CAMKMT: variants seen among roughly 807,000 people sequenced by gnomAD.
CAMKMT encodes CaM KMT.
In CAMKMT, 53 loss-of-function variants were observed where a neutral mutation model predicts 48.0. That is an observed-to-expected ratio of 1.10 (90% CI 0.89 to 1.39). The LOEUF is 1.39. CAMKMT is among the 40% of genes most tolerant of loss of function. CAMKMT has a pLI of 0.00. For synonymous variants in CAMKMT, 165 were observed against 152.3 expected (o/e 1.08, Z -0.61); for missense variants, 428 against 402.7 (o/e 1.06, Z -0.54).
Position 44,415,681 on chromosome 2 carries a change from G to A in CAMKMT, c.376+25376G>A, listed in dbSNP as rs555177930. ...TCACAGTTTAGAGAAGGAATTATAC[G>A]TTTAAAGTCTTCAATTTTATGAAAA... On this transcript the variant is annotated intron_variant, in intron 3 of 10. Transcript: ENST00000378494. Among the ~76,000 whole-genome samples the A allele has an allele frequency of 1.1e-4, 16 of 152,250 alleles. No homozygotes were observed. In the South Asian group the frequency reaches 2.5e-3, roughly 24 times the overall value.
Position 44,772,021 on chromosome 2 carries a change from T to C in CAMKMT, c.895-15T>C. The C allele has an allele frequency of 6.3e-7, 1 of 1,588,946 alleles. No individual in the cohort carries two copies. The highest frequency in any genetic ancestry group is 1.1e-5 in the South Asian group (1 of 90,064). ...TGGAGTCCCCTTACCTTTTTCTTTC[T>C]ATTATTGTTTTCAGTTGAAAAAGGA... is the stretch of plus-strand genomic sequence containing the variant. On this transcript the variant is annotated splice_polypyrimidine_tract_variant and intron_variant, in intron 10 of 10. Transcript: ENST00000378494.
chr2:44,415,073 C>G (rs1683461361), intron 3 of CAMKMT, among the ~76,000 whole-genome samples: 1 of 152,150 alleles, frequency 6.6e-6, no homozygotes, highest in Admixed American at 6.5e-5. Context: ...ATCACTTGAA[C>G]CCGGGAGGCA....
intron 3 of CAMKMT, among the ~76,000 whole-genome samples, chr2:44,461,713 A>C (rs1667858728): frequency 6.6e-6 from 1 of 152,236 alleles, no homozygotes; most frequent in Non-Finnish European, 1.5e-5. Context: ...TATTTCATAC[A>C]AATTCTTTTC....
intron 7 of CAMKMT, among the ~76,000 whole-genome samples, chr2:44,737,478 G>A (rs1480836663): frequency 6.6e-6 from 1 of 152,162 alleles, no homozygotes; most frequent in Non-Finnish European, 1.5e-5. Flanking sequence ...CAGAACCAGA[G>A]CAGCATTTAG....
At position 44,467,247 on chromosome 2, in the gene CAMKMT, A is replaced by C. The variant is rs140302276; in HGVS notation, c.376+76942A>C. 1.2e-3 allele frequency among the ~76,000 whole-genome samples: 178 copies of C among 152,086 alleles called. 1 individual carries two copies. The highest frequency in any genetic ancestry group is 4.1e-3 in the African/African-American group (171 of 41,520). On this transcript the variant is annotated intron_variant, in intron 3 of 10. Coordinates refer to ENST00000378494, the MANE Select transcript of CAMKMT (RefSeq NM_024766.5). ...ACTCAGCAAGACCCTGTCTCCAAAA[A>C]CAAAAACAAACAGGTGGCTCACGCC...
Position 44,651,465 on chromosome 2 carries a change from C to A in CAMKMT, c.377-52818C>A, listed in dbSNP as rs192463593. On this transcript the variant is annotated intron_variant, in intron 3 of 10. Coordinates refer to ENST00000378494, the MANE Select transcript of CAMKMT (RefSeq NM_024766.5). ...TTGCTAGGCCGAGGCGGGTGGATCACCTGAGGTCAGGAGTTTAAGACCAGC... is the reference window on the plus strand; with the variant it reads ...TTGCTAGGCCGAGGCGGGTGGATCAACTGAGGTCAGGAGTTTAAGACCAGC... 9.2e-5 allele frequency among the ~76,000 whole-genome samples: 14 copies of A among 152,258 alleles called. No individual in the cohort carries two copies. In the East Asian group the frequency reaches 2.7e-3, roughly 29 times the overall value.
intron 3 of CAMKMT, among the ~76,000 whole-genome samples, chr2:44,405,683 A>C (rs1682728521): frequency 6.6e-6 from 1 of 152,136 alleles, no homozygotes; most frequent in Non-Finnish European, 1.5e-5. Context: ...AATGAATGTC[A>C]ATTCATCCAA....
At chr2:44,415,158 G>GA (rs544529574) in intron 3 of CAMKMT, among the ~76,000 whole-genome samples, 2 of 151,700 alleles carry the variant, frequency 1.3e-5, no homozygotes, top group Admixed American at 6.6e-5. Context: ...TCGGAAAAAA[G>GA]AAAAAAAATT....
chr2:44,703,808 A>G (rs1677393406), intron 3 of CAMKMT, among the ~76,000 whole-genome samples: 1 of 150,160 alleles, frequency 6.7e-6, no homozygotes, highest in Non-Finnish European at 1.5e-5. Flanking sequence ...AGAATTGTGC[A>G]TGTTTAAAAA....
chr2:44,399,802 G>A (rs1682197832), intron 3 of CAMKMT, among the ~76,000 whole-genome samples: 1 of 152,120 alleles, frequency 6.6e-6, no homozygotes, highest in Non-Finnish European at 1.5e-5. Context: ...GGAAGAAGAA[G>A]AGACAGAAAC....
At chr2:44,767,529 C>T (rs1369243506) in intron 10 of CAMKMT, among the ~76,000 whole-genome samples, 4 of 152,140 alleles carry the variant, frequency 2.6e-5, no homozygotes, top group Non-Finnish European at 5.9e-5. Context: ...TTCTCACTTT[C>T]TGAAAATGAA....
chr2:44,408,652 T>C (rs1451661312), intron 3 of CAMKMT, among the ~76,000 whole-genome samples: 3 of 152,156 alleles, frequency 2.0e-5, no homozygotes, highest in Non-Finnish European at 4.4e-5. Context: ...CATTTTGTTT[T>C]ATTACTCTGC....
chr2:44,434,515 AT>A (rs1684835282), intron 3 of CAMKMT, among the ~76,000 whole-genome samples: 1 of 152,146 alleles, frequency 6.6e-6, no homozygotes, highest in South Asian at 2.1e-4. Context: ...TAAGCTCTCC[AT>A]TTATGCCCTA....
chr2:44,482,853 C>G (rs1047571240), intron 3 of CAMKMT, among the ~76,000 whole-genome samples: 4 of 152,134 alleles, frequency 2.6e-5, no homozygotes, highest in African/African-American at 9.7e-5. Flanking sequence ...ATTATTCTCT[C>G]TCTTCATGGA....
chr2:44,491,882 A>G (rs1669526090), intron 3 of CAMKMT, among the ~76,000 whole-genome samples: 1 of 152,218 alleles, frequency 6.6e-6, no homozygotes. Flanking sequence ...TAGAGCATGA[A>G]ATTCAGGAAA....
At chr2:44,560,527 C>T (rs1352112551) in intron 3 of CAMKMT, among the ~76,000 whole-genome samples, 1 of 152,308 alleles carries the variant, frequency 6.6e-6, no homozygotes, top group East Asian at 1.9e-4. Context: ...CTGCCTTGGC[C>T]TTCCAAAGTG....
At chr2:44,387,371 C>G (rs76891884) in intron 2 of CAMKMT, among the ~76,000 whole-genome samples, 3,357 of 151,604 alleles carry the variant, frequency 0.022, 131 homozygotes, top group African/African-American at 0.076. Context: ...CATGAAATGC[C>G]TTTTTCCACC....
chr2:44,380,974 A>T (rs1484927801), intron 2 of CAMKMT, among the ~76,000 whole-genome samples: 1 of 152,146 alleles, frequency 6.6e-6, no homozygotes, highest in Non-Finnish European at 1.5e-5. Context: ...AGCCTGGCCA[A>T]CATAGTGAAA....
In CAMKMT at chr2:44,390,324, C is replaced by G. The variant is rs957354949; in HGVS notation, c.376+19C>G. On this transcript the variant is annotated intron_variant, in intron 3 of 10. Transcript: ENST00000378494. ...AATGTTTGTAAGTTATACATTCACT[C>G]TATAGAAATATATTTAGTGTTTTAC... 6.6e-7 allele frequency: 1 copy of G among 1,520,654 alleles called. No individual in the cohort carries two copies. The highest frequency in any genetic ancestry group is 1.9e-5 in the Admixed American group (1 of 53,236). The allele number at this position is 1,520,654 out of a possible 1,614,324, so 94.2% of individuals were successfully genotyped here. A position where few individuals can be genotyped will look rare whatever the true frequency, so the allele number is the denominator to read the frequency against.
Sources: allele counts gnomAD v4.1 joint callset (sites outside exome capture counted in the v4.1 genomes callset), GRCh38; gene constraint gnomAD v4.1.1; transcripts MANE v1.5; gene names NCBI Gene and HGNC (gene_info 2026-07-23, HGNC 2026-07-21).